CACNA2D3: variants seen among roughly 807,000 people sequenced by gnomAD.
CACNA2D3 encodes calcium voltage-gated channel auxiliary subunit alpha2delta 3.
Under a neutral mutation model 160.6 loss-of-function variants are expected in CACNA2D3, and 60 were observed. The observed-to-expected ratio is 0.37, with a 90% confidence interval of 0.30 to 0.46. The LOEUF is 0.46. Ranked by LOEUF, CACNA2D3 falls within the 20% of genes least tolerant of loss-of-function variation. The pLI is 1.00. For missense variants in CACNA2D3, 1,205 were observed against 1,365.0 expected, an observed-to-expected ratio of 0.88 and a Z score of 1.85; for synonymous variants, 558 against 492.9, an observed-to-expected ratio of 1.13 and a Z score of -1.75.
chr3:54,417,048 CAGAG>C (rs1475612915), intron 4 of CACNA2D3, among the ~76,000 whole-genome samples: 1 of 152,098 alleles, frequency 6.6e-6, no homozygotes, highest in Non-Finnish European at 1.5e-5. Flanking sequence ...GGTAGGAACT[CAGAG>C]GGAGGCATAA....
rs572869355 is a variant in CACNA2D3, at chr3:54,754,199, G to C, written c.1246+1522G>C. Among the ~76,000 whole-genome samples, 3 of 152,350 alleles carry C rather than the reference G, an allele frequency of 2.0e-5. No homozygotes were observed. In the South Asian group the frequency reaches 6.2e-4, roughly 32 times the overall value. ...AGGAAGTAATAGGGCTGCCCAGTCT[G>C]TGAAGGCCTTCTTTTCATTTTACAC... On this transcript the variant is annotated intron_variant, in intron 12 of 37. Coordinates refer to ENST00000474759, the MANE Select transcript of CACNA2D3 (RefSeq NM_018398.3).
intron 9 of CACNA2D3, among the ~76,000 whole-genome samples, chr3:54,614,511 A>G (rs1266648228): frequency 6.6e-6 from 1 of 152,162 alleles, no homozygotes; most frequent in East Asian, 1.9e-4. Context: ...ATTTTGTGCA[A>G]GCTTCTCAGA....
chr3:54,630,499 A>G (rs977897543), intron 10 of CACNA2D3, among the ~76,000 whole-genome samples: 6 of 152,212 alleles, frequency 3.9e-5, no homozygotes, highest in Non-Finnish European at 8.8e-5. Context: ...CTCCTCTTGC[A>G]GACTCACAAG....
intron 27 of CACNA2D3, among the ~76,000 whole-genome samples, chr3:54,942,829 C>A (rs1333114139): frequency 1.3e-5 from 2 of 152,080 alleles, no homozygotes; most frequent in Non-Finnish European, 2.9e-5. Context: ...TTGAGACAAT[C>A]CTGGCTAACA....
Position 54,653,391 on chromosome 3 carries a change from A to C in CACNA2D3, c.1167+11150A>C, listed in dbSNP as rs535061257. ...CTCTTTCTTTCTCCTTCCCTGGCTG[A>C]AGTCACATTTGGTCCAAAAGTTTTG... On this transcript the variant is annotated intron_variant, in intron 11 of 37. Transcript: ENST00000474759. Among the ~76,000 whole-genome samples the C allele has an allele frequency of 1.2e-4, 18 of 152,088 alleles. No homozygotes were observed. In the South Asian group the frequency reaches 2.5e-3, roughly 21 times the overall value.
chr3:54,889,788 G>T (rs79702157), intron 24 of CACNA2D3, among the ~76,000 whole-genome samples: 1 of 152,130 alleles, frequency 6.6e-6, no homozygotes, highest in Non-Finnish European at 1.5e-5. Context: ...AGCTGGCAAC[G>T]AATTGAGCCT....
intron 2 of CACNA2D3, among the ~76,000 whole-genome samples, chr3:54,212,203 C>T (rs1010679305): frequency 6.6e-6 from 1 of 152,180 alleles, no homozygotes; most frequent in African/African-American, 2.4e-5. Context: ...GTCCTGATGA[C>T]ATATGCCCAA....
At chr3:54,432,501 T>C (rs1053495917) in intron 4 of CACNA2D3, among the ~76,000 whole-genome samples, 2 of 152,172 alleles carry the variant, frequency 1.3e-5, no homozygotes, top group African/African-American at 4.8e-5. Flanking sequence ...AAAAACATGC[T>C]CTTTCCCTAA....
rs558099333 is a variant in CACNA2D3 at position 54,307,362 on chromosome 3, G to A, written c.205-13080G>A. Among the ~76,000 whole-genome samples, 9 of 152,288 alleles carry A rather than the reference G, an allele frequency of 5.9e-5. No homozygotes were observed. In the East Asian group the frequency reaches 1.7e-3, roughly 29 times the overall value. ...AGTACTGTTTATGGTGATGCAAATT[G>A]GAAGGTCACCTGCTGCAATCTCCTG... On this transcript the variant is annotated intron_variant, in intron 2 of 37. Coordinates refer to ENST00000474759, the MANE Select transcript of CACNA2D3 (RefSeq NM_018398.3).
chr3:54,163,627 A>G (rs919311958), intron 2 of CACNA2D3, among the ~76,000 whole-genome samples: 4 of 152,310 alleles, frequency 2.6e-5, no homozygotes, highest in African/African-American at 9.6e-5. Flanking sequence ...GAAATCAGTT[A>G]GGTGCAAGCA....
intron 17 of CACNA2D3, among the ~76,000 whole-genome samples, chr3:54,854,245 T>A (rs1210831700): frequency 6.6e-6 from 1 of 152,134 alleles, no homozygotes; most frequent in African/African-American, 2.4e-5. Context: ...TGGAAATACA[T>A]CATTTGGTTT....
chr3:54,271,511 C>T (rs1259925115), intron 2 of CACNA2D3, among the ~76,000 whole-genome samples: 1 of 152,220 alleles, frequency 6.6e-6, no homozygotes, highest in Non-Finnish European at 1.5e-5. Context: ...AAAAAGACAT[C>T]TATAGAAGAG....
chr3:55,052,730 T>C (rs904459500), intron 35 of CACNA2D3, among the ~76,000 whole-genome samples: 4 of 152,134 alleles, frequency 2.6e-5, no homozygotes, highest in Non-Finnish European at 4.4e-5. Flanking sequence ...CTCTGTCATT[T>C]TGTGATGTCC....
Position 54,648,777 on chromosome 3 carries a change from G to A in CACNA2D3, c.1167+6536G>A, listed in dbSNP as rs1699701635. 2.0e-5 allele frequency among the ~76,000 whole-genome samples: 3 copies of A among 152,238 alleles called. No homozygotes were observed. In the South Asian group the frequency reaches 6.2e-4, roughly 31 times the overall value. On this transcript the variant is annotated intron_variant, in intron 11 of 37. Transcript: ENST00000474759. ...GGGCCTCATGCTGTTTCCACTAATGGCAGAAGGTGAAGGAGGAGCAGGTAT... is the reference window on the plus strand; with the variant it reads ...GGGCCTCATGCTGTTTCCACTAATGACAGAAGGTGAAGGAGGAGCAGGTAT...
intron 9 of CACNA2D3, among the ~76,000 whole-genome samples, chr3:54,620,425 G>T (rs775918913): frequency 6.6e-6 from 1 of 152,192 alleles, no homozygotes; most frequent in African/African-American, 2.4e-5. Context: ...TCTGTGCTGC[G>T]TGTGAACAGG....
At chr3:54,292,426 A>G (rs1439820519) in intron 2 of CACNA2D3, among the ~76,000 whole-genome samples, 1 of 152,202 alleles carries the variant, frequency 6.6e-6, no homozygotes, top group Non-Finnish European at 1.5e-5. Flanking sequence ...TAGAAATTAT[A>G]TCTGATAAAA....
chr3:54,773,922 G>T (rs926302680), intron 13 of CACNA2D3, among the ~76,000 whole-genome samples: 48 of 152,192 alleles, frequency 3.2e-4, no homozygotes, highest in African/African-American at 1.0e-3. Context: ...ATGATTTCTA[G>T]ATTTCAGGTG....
chr3:54,350,987 T>G (rs950152323), intron 3 of CACNA2D3, among the ~76,000 whole-genome samples: 2,041 of 28,760 alleles, frequency 0.071, 85 homozygotes, highest in African/African-American at 0.18. Flanking sequence ...TTTTTGTTTG[T>G]TTTTTTTTTT....
At chr3:54,241,806 G>A (rs1394202886) in intron 2 of CACNA2D3, among the ~76,000 whole-genome samples, 1 of 152,150 alleles carries the variant, frequency 6.6e-6, no homozygotes, top group Non-Finnish European at 1.5e-5. Flanking sequence ...GGTGGTAACT[G>A]GTACATAGTT....
Sources: allele counts gnomAD v4.1 joint callset (sites outside exome capture counted in the v4.1 genomes callset), GRCh38; gene constraint gnomAD v4.1.1; transcripts MANE v1.5; gene names NCBI Gene and HGNC (gene_info 2026-07-23, HGNC 2026-07-21).